MPP3: variants seen among roughly 807,000 people sequenced by gnomAD.
MPP3 encodes the protein MAGUK p55 scaffold protein 3.
In MPP3, 48 loss-of-function variants were observed where a neutral mutation model predicts 80.7. The ratio of observed to expected loss-of-function variants is 0.59; its 90% CI spans 0.47 to 0.76. MPP3 has a LOEUF of 0.76. Ranked by LOEUF, MPP3 falls within the 30% of genes least tolerant of loss-of-function variation. MPP3 has a pLI of 0.00. For synonymous variants in MPP3, 311 were observed against 297.6 expected (o/e 1.04, Z -0.46); for missense variants, 620 against 763.0 (o/e 0.81, Z 2.21).
intron 16 of MPP3, 80 bp from the exon 17 acceptor site, chr17:43,811,285 T>A: frequency 9.1e-7 from 1 of 1,096,648 alleles, no homozygotes; most frequent in East Asian, 2.4e-5. Context: ...TAGGCACTCA[T>A]TTGGGAGTTC....
In MPP3 at chr17:43,805,125, A is replaced by T. The variant is rs562927293; in HGVS notation, c.1582-3248T>A. Among the ~76,000 whole-genome samples, 7 of 152,386 alleles carry T rather than the reference A, an allele frequency of 4.6e-5. No homozygotes were observed. The South Asian group carries it at 1.2e-3, about 27-fold the overall frequency. On this transcript the variant is annotated intron_variant, in intron 19 of 19. Transcript: ENST00000398389. ...AATAGATAAAGAATTCTTACAACTC[A>T]ATAACAAAAAATGGACATTTAAAAA...
At chr17:43,806,164 T>A (rs757104010) in intron 19 of MPP3, among the ~76,000 whole-genome samples, 15 of 152,036 alleles carry the variant, frequency 9.9e-5, no homozygotes, top group Non-Finnish European at 1.6e-4. Flanking sequence ...TATTTATTTA[T>A]TTAATTAATT....
rs747558598 is a variant in MPP3, at chr17:43,821,001, G to A, written c.742C>T (p.Gln248Ter). The change falls in exon 11 of 20, where the codon CAG (glutamine) becomes TAG (stop). Residue 248 changes from glutamine (Q) to a stop codon, truncating the protein, a stop_gained. Transcript: ENST00000398389. LOFTEE classifies it high-confidence loss of function. ...CGCTGGAAGGGCAGGCCCGCCTCCT[G>A]GCAAGGGATGGCCCGGTCCTCCCGA... Reference protein sequence around the residue: ...NPREDRAIPCQEAGLPFQRRQ... With the variant: ...NPREDRAIPC The A allele has an allele frequency of 3.7e-6, 6 of 1,613,968 alleles. No individual in the cohort carries two copies. The African/African-American group carries it at 8.0e-5, about 22-fold the overall frequency.
intron 11 of MPP3, among the ~76,000 whole-genome samples, chr17:43,819,649 T>C (rs2154591343): frequency 6.6e-6 from 1 of 152,342 alleles, no homozygotes; most frequent in Admixed American, 6.5e-5. Flanking sequence ...GCCCGCAAGA[T>C]GCCAGCACAA....
chr17:43,813,775 C>A (rs17742905), intron 16 of MPP3, among the ~76,000 whole-genome samples: 22,934 of 152,118 alleles, frequency 0.15, 2,219 homozygotes, highest in Middle Eastern at 0.21. Flanking sequence ...TCATCTCCCA[C>A]CCCAGGCAGG....
intron 16 of MPP3, among the ~76,000 whole-genome samples, chr17:43,812,287 G>A (rs1213799713): frequency 6.6e-6 from 1 of 152,192 alleles, no homozygotes; most frequent in Non-Finnish European, 1.5e-5. Context: ...TCTGGCCCAT[G>A]GGAACCACCC....
chr17:43,811,186 C>G lies in MPP3; in HGVS notation c.1275G>C (p.Lys425Asn), dbSNP rs1375742701. The G allele has an allele frequency of 1.2e-6, 2 of 1,614,024 alleles. No individual in the cohort carries two copies. The highest frequency in any genetic ancestry group is 8.5e-7 in the Non-Finnish European group (1 of 1,179,886). The stretch of plus-strand genomic sequence containing the variant: ...ATTCCACTCCTTCCTTCTCATGGCT[C>G]TTTCGGGGCCTGGTGGTATCTTTTA... Reference protein sequence around the residue: ...VAVPHTTRPRKSHEKEGVEYH... With the variant: ...VAVPHTTRPRNSHEKEGVEYH... Residue 425 changes from lysine (K) to asparagine (N), a missense_variant, in exon 17 of 20, where the codon AAG becomes AAC. Transcript: ENST00000398389.
At chr17:43,810,679 A>G (rs2044814389) in intron 18 of MPP3, 128 bp downstream of exon 18, 1 of 669,062 alleles carries the variant, frequency 1.5e-6, no homozygotes, top group Admixed American at 2.7e-5. Flanking sequence ...GGAAGACCCA[A>G]AGAAATTGAA....
intron 19 of MPP3, among the ~76,000 whole-genome samples, chr17:43,806,122 T>C (rs1027786545): frequency 2.0e-5 from 3 of 152,206 alleles, no homozygotes; most frequent in African/African-American, 7.2e-5. Flanking sequence ...TATTTAGCTA[T>C]GTCATCAAAT....
At chr17:43,815,624 C>CA (rs1361888929) in intron 14 of MPP3, 16 of 309,820 alleles carry the variant, frequency 5.2e-5, no homozygotes, top group East Asian at 2.5e-4. Flanking sequence ...AACCAAAAAA[C>CA]AAAAAAAACT....
At chr17:43,812,847 C>T (rs1184190264) in intron 16 of MPP3, among the ~76,000 whole-genome samples, 1 of 152,160 alleles carries the variant, frequency 6.6e-6, no homozygotes, top group African/African-American at 2.4e-5. Context: ...CTGAAGCCCT[C>T]CAGGTCCATC....
chr17:43,801,994 G>T, intron 19 of MPP3, 117 bp from the exon 20 acceptor site: 1 of 995,078 alleles, frequency 1.0e-6, no homozygotes, highest in Non-Finnish European at 1.5e-6. Flanking sequence ...TGGATGACTA[G>T]GTCCCACTGA....
At chr17:43,813,961 A>C (rs1304259982) in intron 16 of MPP3, 50 bp downstream of exon 16, 1 of 1,416,196 alleles carries the variant, frequency 7.1e-7, no homozygotes, top group Non-Finnish European at 9.8e-7. Context: ...TCTCCATGGA[A>C]TATTTGTGTG....
intron 13 of MPP3, among the ~76,000 whole-genome samples, chr17:43,816,444 G>A (rs1036291478): frequency 3.3e-5 from 5 of 152,222 alleles, no homozygotes; most frequent in African/African-American, 1.2e-4. Flanking sequence ...GGAAAGGCTG[G>A]GCCGCACGTG....
intron 2 of MPP3, 51 bp downstream of exon 2, chr17:43,832,710 G>C (rs1309238887): frequency 6.5e-6 from 1 of 152,720 alleles, no homozygotes; most frequent in East Asian, 1.9e-4. Context: ...AGCGGCCCCG[G>C]GCCCTCCAGC....
rs1044401198 is a variant in MPP3, at chr17:43,808,978, C to T, written c.1559G>A (p.Cys520Tyr). ...KRKTPPMSPA[C>Y]EDTAAPFDEQ... Reference sequence around the variant, plus strand: ...TACAAATGGGGCTGCTGTGTCCTCACAAGCTGGGGACATAGGTGGCGTTTT... The same window carrying T: ...TACAAATGGGGCTGCTGTGTCCTCATAAGCTGGGGACATAGGTGGCGTTTT... The change falls in exon 19 of 20, where the codon TGT becomes TAT. Residue 520 changes from cysteine (C) to tyrosine (Y), a missense_variant. Physicochemically the swap from Cys to Tyr is radical, Grantham distance 194 (BLOSUM62 -2). Coordinates refer to ENST00000398389, the MANE Select transcript of MPP3 (RefSeq NM_001932.6). The T allele has an allele frequency of 5.0e-6, 8 of 1,608,230 alleles. No individual in the cohort carries two copies. The highest frequency in any genetic ancestry group is 6.8e-6 in the Non-Finnish European group (8 of 1,178,636).
intron 19 of MPP3, 22 bp from the exon 20 acceptor site, chr17:43,801,899 A>G: frequency 6.2e-7 from 1 of 1,605,270 alleles, no homozygotes; most frequent in Non-Finnish European, 8.5e-7. Flanking sequence ...GGGGTGGTAA[A>G]AGGAGCAACT....
chr17:43,803,138 G>GC (rs2044481187), intron 19 of MPP3, among the ~76,000 whole-genome samples: 1 of 151,928 alleles, frequency 6.6e-6, no homozygotes, highest in Non-Finnish European at 1.5e-5. Context: ...TCCCGTAACT[G>GC]CCCCCGGATC....
At chr17:43,802,876 T>C (rs1348519879) in intron 19 of MPP3, among the ~76,000 whole-genome samples, 1 of 152,148 alleles carries the variant, frequency 6.6e-6, no homozygotes, top group African/African-American at 2.4e-5. Context: ...CCCTCTTCTC[T>C]GTCACCAGTC....
Sources: gnomAD v4.1 joint callset for allele counts (sites outside exome capture counted in the v4.1 genomes callset) on GRCh38, gnomAD v4.1.1 for gene constraint, MANE v1.5 for transcripts, NCBI Gene and HGNC (gene_info 2026-07-23, HGNC 2026-07-21) for gene names.